Variants in ZNF385D observed in about 807,000 individuals in gnomAD.
ZNF385D encodes zinc finger protein 385D, also known as zinc finger protein 659.
A neutral mutation model predicts 35.8 loss-of-function variants in ZNF385D; 15 were observed. The observed-to-expected ratio is 0.42, with a 90% confidence interval of 0.28 to 0.64. The LOEUF (loss-of-function observed/expected upper bound fraction) is 0.64, where lower values mean the gene tolerates loss of function less well. ZNF385D is among the 30% of genes least tolerant of loss of function. ZNF385D has a pLI of 0.23. For missense variants in ZNF385D, 474 were observed against 494.6 expected, an observed-to-expected ratio of 0.96 and a Z score of 0.39; for synonymous variants, 212 against 186.8, an observed-to-expected ratio of 1.13 and a Z score of -1.10.
chr3:22,228,350 A>G (rs944117374), intron 2 of ZNF385D, among the ~76,000 whole-genome samples: 1 of 152,100 alleles, frequency 6.6e-6, no homozygotes, highest in African/African-American at 2.4e-5. Context: ...GCAGGTTGGC[A>G]GGTCACTGGT....
intron 2 of ZNF385D, among the ~76,000 whole-genome samples, chr3:22,242,339 G>A (rs915360692): frequency 2.0e-5 from 3 of 151,106 alleles, no homozygotes; most frequent in Non-Finnish European, 2.9e-5. Flanking sequence ...CTGCATTGAA[G>A]AGAGTGCTTC....
chr3:22,043,335 T>C (rs1361252868), intron 3 of ZNF385D, among the ~76,000 whole-genome samples: 12 of 152,140 alleles, frequency 7.9e-5, no homozygotes, highest in Non-Finnish European at 1.2e-4. Flanking sequence ...ACAGTTTAGG[T>C]CTGTGGCCCA....
intron 2 of ZNF385D, among the ~76,000 whole-genome samples, chr3:21,594,287 A>G (rs1489230933): frequency 6.6e-6 from 1 of 152,168 alleles, no homozygotes; most frequent in African/African-American, 2.4e-5. Flanking sequence ...TAGCTAATAG[A>G]TGGGGTCTGT....
At chr3:21,772,683 T>C (rs1030347072) in intron 3 of ZNF385D, among the ~76,000 whole-genome samples, 2 of 151,972 alleles carry the variant, frequency 1.3e-5, no homozygotes, top group Non-Finnish European at 2.9e-5. Context: ...GATTACCATA[T>C]GATTGAGCAA....
At chr3:21,511,759 T>A (rs1707227016) in intron 3 of ZNF385D, 1 of 456,560 alleles carries the variant, frequency 2.2e-6, no homozygotes, top group East Asian at 7.0e-5. Context: ...TTGTGCCATC[T>A]GAGATATATA....
chr3:21,671,237 C>T (rs1161046021), intron 1 of ZNF385D, among the ~76,000 whole-genome samples: 1 of 152,000 alleles, frequency 6.6e-6, no homozygotes, highest in Non-Finnish European at 1.5e-5. Context: ...GGCTATGCTT[C>T]CCCGCCTGTC....
At chr3:21,987,321 C>T (rs1694866166) in intron 3 of ZNF385D, among the ~76,000 whole-genome samples, 1 of 130,006 alleles carries the variant, frequency 7.7e-6, no homozygotes, top group Non-Finnish European at 1.5e-5. Context: ...TGTTCCTTTC[C>T]ATGTTTAGTG....
At chr3:22,039,594 C>T (rs747072039) in intron 3 of ZNF385D, among the ~76,000 whole-genome samples, 4 of 152,034 alleles carry the variant, frequency 2.6e-5, no homozygotes, top group Non-Finnish European at 5.9e-5. Context: ...AGGCATTAAG[C>T]TATTTTTGAC....
chr3:21,932,166 C>CAAAAAAAAAAAAAAAAAA (rs543138588), intron 3 of ZNF385D, among the ~76,000 whole-genome samples: 20 of 55,338 alleles, frequency 3.6e-4, no homozygotes, highest in South Asian at 8.8e-4. Flanking sequence ...GACTCATTCT[C>CAAAAAAAAAAAAAAAAAA]AAAAAAAAAA....
intron 2 of ZNF385D, among the ~76,000 whole-genome samples, chr3:21,648,581 T>G (rs2065822231): frequency 6.6e-6 from 1 of 152,164 alleles, no homozygotes; most frequent in African/African-American, 2.4e-5. Context: ...TTTATAAACA[T>G]TGATAACAAC....
intron 1 of ZNF385D, among the ~76,000 whole-genome samples, chr3:21,745,201 T>A (rs1176622130): frequency 1.3e-5 from 2 of 152,208 alleles, no homozygotes; most frequent in African/African-American, 4.8e-5. Context: ...GCTGCGAATT[T>A]CCTTTCTGAC....
intron 4 of ZNF385D, among the ~76,000 whole-genome samples, chr3:21,487,572 A>G (rs1409912748): frequency 6.6e-6 from 1 of 152,146 alleles, no homozygotes; most frequent in Non-Finnish European, 1.5e-5. Flanking sequence ...CATGCATAAC[A>G]TTAATATAGT....
chr3:21,675,657 T>C (rs2066703483), intron 1 of ZNF385D, among the ~76,000 whole-genome samples: 1 of 152,016 alleles, frequency 6.6e-6, no homozygotes, highest in African/African-American at 2.4e-5. Flanking sequence ...GTCAAATCAG[T>C]ATATACTAAG....
At chr3:21,580,784 T>C (rs2125704036) in intron 2 of ZNF385D, among the ~76,000 whole-genome samples, 1 of 146,574 alleles carries the variant, frequency 6.8e-6, no homozygotes, top group East Asian at 2.0e-4. Flanking sequence ...TGAATATATA[T>C]GTATGTTTGT....
chr3:21,694,041 G>GTTTTTTTTTTTTTTTTTTT (rs1559525354), intron 1 of ZNF385D, among the ~76,000 whole-genome samples: 2 of 24,200 alleles, frequency 8.3e-5, no homozygotes, highest in Non-Finnish European at 1.6e-4. Context: ...ACTACGCCTG[G>GTTTTTTTTTTTTTTTTTTT]CTTTTTTTTT....
At chr3:21,653,837 A>T (rs964116810) in intron 2 of ZNF385D, among the ~76,000 whole-genome samples, 1 of 152,048 alleles carries the variant, frequency 6.6e-6, no homozygotes, top group Non-Finnish European at 1.5e-5. Context: ...TAAATTCTAT[A>T]TATGTTAGAA....
intron 2 of ZNF385D, among the ~76,000 whole-genome samples, chr3:21,608,014 T>TC (rs1559455164): frequency 4.4e-5 from 5 of 113,790 alleles, no homozygotes; most frequent in African/African-American, 1.6e-4. Flanking sequence ...TTTTTCTTCT[T>TC]TTTTTTTTGT....
At chr3:21,958,254 G>T (rs144436539) in intron 3 of ZNF385D, among the ~76,000 whole-genome samples, 3 of 152,104 alleles carry the variant, frequency 2.0e-5, no homozygotes, top group Non-Finnish European at 4.4e-5. Context: ...ACATTAAGAA[G>T]ACCTATATTT....
chr3:21,444,679 G>A (rs978958668), intron 4 of ZNF385D, among the ~76,000 whole-genome samples: 6 of 152,100 alleles, frequency 3.9e-5, no homozygotes, highest in Admixed American at 6.6e-5. Flanking sequence ...GAGCCACTGC[G>A]CCCAGCTGAA....
Sources: allele counts gnomAD v4.1 joint callset (sites outside exome capture counted in the v4.1 genomes callset), GRCh38; gene constraint gnomAD v4.1.1; transcripts MANE v1.5; gene names NCBI Gene and HGNC (gene_info 2026-07-23, HGNC 2026-07-21).